SMOC1: variants seen among roughly 807,000 people sequenced by gnomAD.
The protein encoded by SMOC1 is SPARC-related modular calcium-binding protein 1.
A neutral mutation model predicts 56.3 loss-of-function variants in SMOC1; 22 were observed. That is an observed-to-expected ratio of 0.39 (90% CI 0.28 to 0.56). The LOEUF (loss-of-function observed/expected upper bound fraction) is 0.56. Among genes scored for constraint, SMOC1 ranks in the 20% least tolerant of loss-of-function variants. The pLI, the probability that SMOC1 is intolerant of heterozygous loss-of-function variation, is 0.61. For synonymous variants in SMOC1, 193 were observed against 215.0 expected (o/e 0.90, Z 0.89); for missense variants, 509 against 565.4 (o/e 0.90, Z 1.01).
chr14:69,972,019 T>C (rs1400822368), intron 3 of SMOC1, among the ~76,000 whole-genome samples: 2 of 152,222 alleles, frequency 1.3e-5, no homozygotes, highest in Non-Finnish European at 2.9e-5. Context: ...ACTGGGCACT[T>C]ACCCTGTGAG....
chr14:69,906,048 A>G (rs914345839), intron 1 of SMOC1, among the ~76,000 whole-genome samples: 3 of 152,248 alleles, frequency 2.0e-5, no homozygotes, highest in Non-Finnish European at 2.9e-5. Context: ...AGATGATGCT[A>G]CCATTAAGTT....
intron 3 of SMOC1, among the ~76,000 whole-genome samples, chr14:69,967,243 A>G (rs570937826): frequency 8.9e-4 from 135 of 152,338 alleles, no homozygotes; most frequent in African/African-American, 3.0e-3. Flanking sequence ...CAGATGAGGT[A>G]AATACTCTTA....
intron 1 of SMOC1, among the ~76,000 whole-genome samples, chr14:69,908,492 TGTGCTGGAGG>T (rs1290750848): frequency 3.3e-5 from 5 of 152,120 alleles, no homozygotes; most frequent in Admixed American, 2.6e-4. Flanking sequence ...TGGTGGCTGC[TGTGCTGGAGG>T]GTAGTGGGAA....
rs369809505 is a variant in SMOC1 at position 70,029,711 on chromosome 14, G to GC, written c.1292-530dup. Among the ~76,000 whole-genome samples, 268 of 152,286 alleles carry GC rather than the reference G, an allele frequency of 1.8e-3. 3 individuals are homozygous for GC. The highest frequency in any genetic ancestry group is 0.01 in the Middle Eastern group (3 of 294). On this transcript the variant is annotated intron_variant, in intron 11 of 11. Coordinates refer to ENST00000361956, the MANE Select transcript of SMOC1 (RefSeq NM_001034852.3). ...AGTTTCCCCCAGGCAAAATGAGCAG[G>GC]CACAAACCCATTCAGTAAGTTGCCC...
chr14:69,996,910 G>A (rs1236158599), intron 7 of SMOC1, among the ~76,000 whole-genome samples: 1 of 152,178 alleles, frequency 6.6e-6, no homozygotes, highest in Non-Finnish European at 1.5e-5. Context: ...GTTGTCAAAT[G>A]GTCTCTTGCC....
chr14:69,989,336 T>G (rs1218293511), intron 5 of SMOC1, among the ~76,000 whole-genome samples: 1 of 152,252 alleles, frequency 6.6e-6, no homozygotes. Flanking sequence ...GTATCTCTTC[T>G]TTGGTGAAAT....
chr14:69,971,844 C>G (rs1318909923), intron 3 of SMOC1, among the ~76,000 whole-genome samples: 2 of 152,188 alleles, frequency 1.3e-5, no homozygotes, highest in African/African-American at 4.8e-5. Context: ...CCACCCAAAC[C>G]TTTGCAAACG....
intron 1 of SMOC1, among the ~76,000 whole-genome samples, chr14:69,916,649 G>A (rs1406012802): frequency 1.3e-5 from 2 of 152,176 alleles, no homozygotes; most frequent in Non-Finnish European, 2.9e-5. Flanking sequence ...CCCTCTGTGT[G>A]GAATGTTCTC....
intron 1 of SMOC1, among the ~76,000 whole-genome samples, chr14:69,930,032 G>C (rs2139388040): frequency 6.6e-6 from 1 of 152,202 alleles, no homozygotes; most frequent in Admixed American, 6.5e-5. Flanking sequence ...ACGTGGCTGG[G>C]GGAGCAGCCC....
chr14:69,939,349 T>G (rs1882462123), intron 1 of SMOC1, among the ~76,000 whole-genome samples: 1 of 152,186 alleles, frequency 6.6e-6, no homozygotes, highest in Non-Finnish European at 1.5e-5. Flanking sequence ...CTTGTGAGAT[T>G]TATTCACTAT....
intron 1 of SMOC1, among the ~76,000 whole-genome samples, chr14:69,880,137 G>A (rs79589068): frequency 0.01 from 1,571 of 151,314 alleles, 24 homozygotes; most frequent in African/African-American, 0.036. Flanking sequence ...TCTCACGCTG[G>A]CGCCCGGTCC....
chr14:70,018,507 C>T (rs1176820093), intron 10 of SMOC1, among the ~76,000 whole-genome samples: 2 of 152,294 alleles, frequency 1.3e-5, no homozygotes, highest in South Asian at 2.1e-4. Context: ...GATAGTCCCT[C>T]TTGGTGAATG....
At position 69,968,246 on chromosome 14, in the gene SMOC1, G is replaced by A. The variant is rs570634625; in HGVS notation, c.379-7469G>A. On this transcript the variant is annotated intron_variant, in intron 3 of 11. Transcript: ENST00000361956. ...ATGAAGTGTGGTCCCTGGACCCAGC[G>A]GCAAGAGCATTGCCAGAGAACCTGT... Among the ~76,000 whole-genome samples, 3 of 152,272 alleles carry A rather than the reference G, an allele frequency of 2.0e-5. 1 individual carries two copies. In the South Asian group the frequency reaches 6.2e-4, roughly 32 times the overall value.
At chr14:69,881,899 G>C (rs1405255044) in intron 1 of SMOC1, among the ~76,000 whole-genome samples, 1 of 152,140 alleles carries the variant, frequency 6.6e-6, no homozygotes, top group African/African-American at 2.4e-5. Flanking sequence ...TGAGACTCAG[G>C]GTGGCCAATC....
At chr14:70,005,725 T>G (rs1885128224) in intron 7 of SMOC1, among the ~76,000 whole-genome samples, 1 of 152,192 alleles carries the variant, frequency 6.6e-6, no homozygotes, top group Non-Finnish European at 1.5e-5. Flanking sequence ...TGACTCTCAC[T>G]TCTTCTCTGC....
intron 7 of SMOC1, 151 bp from the exon 8 acceptor site, chr14:70,010,603 C>T: frequency 1.2e-6 from 1 of 813,020 alleles, no homozygotes; most frequent in Non-Finnish European, 2.0e-6. Context: ...GCATGGGAGA[C>T]AGCTCTCTGT....
At chr14:69,933,620 C>T (rs567966986) in intron 1 of SMOC1, among the ~76,000 whole-genome samples, 1 of 150,564 alleles carries the variant, frequency 6.6e-6, no homozygotes, top group African/African-American at 2.4e-5. Flanking sequence ...ACCTGCGCCT[C>T]CTGGGTTCAA....
chr14:69,900,839 C>T (rs1027955758), intron 1 of SMOC1, among the ~76,000 whole-genome samples: 3 of 152,258 alleles, frequency 2.0e-5, no homozygotes, highest in Non-Finnish European at 4.4e-5. Context: ...TGATTAAACT[C>T]ATGGCCACAT....
At chr14:69,891,380 T>C (rs1355416685) in intron 1 of SMOC1, among the ~76,000 whole-genome samples, 1 of 152,168 alleles carries the variant, frequency 6.6e-6, no homozygotes, top group East Asian at 1.9e-4. Context: ...ACATTATACA[T>C]TTTTCATAAG....
Sources: gnomAD v4.1 joint callset for allele counts (sites outside exome capture counted in the v4.1 genomes callset) on GRCh38, gnomAD v4.1.1 for gene constraint, MANE v1.5 for transcripts, NCBI Gene and HGNC (gene_info 2026-07-23, HGNC 2026-07-21) for gene names.